The following ATP6V0E2 variants were observed in gnomAD, a reference collection of about 807,000 sequenced individuals.
ATP6V0E2 encodes the protein ATPase H+ transporting V0 subunit e2.
A neutral mutation model predicts 11.5 loss-of-function variants in ATP6V0E2; 4 were observed. That is an observed-to-expected ratio of 0.35 (90% CI 0.17 to 0.80). ATP6V0E2 has a LOEUF of 0.80. Ranked by LOEUF, ATP6V0E2 falls within the 30% of genes least tolerant of loss-of-function variation. The pLI is 0.53. For missense variants in ATP6V0E2, 93 were observed against 113.5 expected, an observed-to-expected ratio of 0.82 and a Z score of 0.82; for synonymous variants, 52 against 51.0, an observed-to-expected ratio of 1.02 and a Z score of -0.09.
At position 149,879,578 on chromosome 7, in the gene ATP6V0E2, A is replaced by G; in HGVS notation, c.*263A>G. On this transcript the variant is annotated 3_prime_UTR_variant, in exon 4 of 4. Transcript: ENST00000425642. Reference sequence around the variant, plus strand: ...TGCTCCAATACCCGCACTGCTCTGGAGTTTGCCCTCTTTCCCAAGGAGATG... The same window carrying G: ...TGCTCCAATACCCGCACTGCTCTGGGGTTTGCCCTCTTTCCCAAGGAGATG... 4 of 1,500,124 alleles carry G rather than the reference A, an allele frequency of 2.7e-6. No homozygotes were observed. The highest frequency in any genetic ancestry group is 1.4e-5 in the South Asian group (1 of 72,118). The allele number at this position is 1,500,124 out of a possible 1,614,324, so 92.9% of individuals were successfully genotyped here. A position where few individuals can be genotyped will look rare whatever the true frequency, so the allele number is the denominator to read the frequency against.
chr7:149,879,541 G>T lies in ATP6V0E2; in HGVS notation c.*226G>T. The T allele has an allele frequency of 3.8e-6, 6 of 1,561,886 alleles. No homozygotes were observed. Among genetic ancestry groups the T allele is most frequent in the Non-Finnish European group, 5.2e-6 (6 of 1,154,592 alleles). On this transcript the variant is annotated 3_prime_UTR_variant, in exon 4 of 4. Transcript: ENST00000425642. Reference sequence around the variant, plus strand: ...GGGAGCCCTGGGCACAGCAGCGGCCGAGGGGATGTCCTGCTCCAATACCCG... The same window carrying T: ...GGGAGCCCTGGGCACAGCAGCGGCCTAGGGGATGTCCTGCTCCAATACCCG...
intron 1 of ATP6V0E2, chr7:149,875,060 A>C (rs1446505453): frequency 6.5e-6 from 1 of 153,832 alleles, no homozygotes; most frequent in African/African-American, 2.4e-5. Flanking sequence ...GTTTGACTGA[A>C]ATTTCTTTTG....
At chr7:149,875,322 G>A (rs1204220772) in intron 1 of ATP6V0E2, among the ~76,000 whole-genome samples, 2 of 152,216 alleles carry the variant, frequency 1.3e-5, no homozygotes, top group Non-Finnish European at 2.9e-5. Context: ...TTAAGATGGA[G>A]CAATATTGGG....
chr7:149,875,766 T>C, intron 2 of ATP6V0E2, 121 bp downstream of exon 2: 1 of 975,916 alleles, frequency 1.0e-6, no homozygotes, highest in South Asian at 1.5e-5. Context: ...AGGCTGAACC[T>C]ATAAAACAAC....
chr7:149,879,392 A>C lies in ATP6V0E2; in HGVS notation c.*77A>C. On this transcript the variant is annotated 3_prime_UTR_variant, in exon 4 of 4. Coordinates refer to ENST00000425642, the MANE Select transcript of ATP6V0E2 (RefSeq NM_145230.4). ...TGTCCCTGACAACCCCTTCGTCCGGACCCTCCCCCACACAACTATGTCTGG... is the reference window on the plus strand; with the variant it reads ...TGTCCCTGACAACCCCTTCGTCCGGCCCCTCCCCCACACAACTATGTCTGG... The C allele has an allele frequency of 6.3e-7, 1 of 1,591,750 alleles. No individual in the cohort carries two copies. The highest frequency in any genetic ancestry group is 2.3e-5 in the East Asian group (1 of 43,372).
At position 149,880,365 on chromosome 7, in the gene ATP6V0E2, C is replaced by T. The variant is rs1183612700; in HGVS notation, c.*1050C>T. The T allele has an allele frequency of 6.6e-6, 1 of 152,526 alleles. No homozygotes were observed. Among genetic ancestry groups the T allele is most frequent in the African/African-American group, 2.4e-5 (1 of 41,466 alleles). The allele number at this position is 152,526 out of a possible 1,614,324, so 9.4% of individuals were successfully genotyped here. On this transcript the variant is annotated 3_prime_UTR_variant, in exon 4 of 4. Coordinates refer to ENST00000425642, the MANE Select transcript of ATP6V0E2 (RefSeq NM_145230.4). ...CCAGTGTGGTTAGCACAGAGCTCAC[C>T]CACCTTGCCTGGCTCCCAGCTGGGG...
intron 3 of ATP6V0E2, 195 bp downstream of exon 3, chr7:149,878,985 GGGTTTGGTTTTGATTTCATT>G: frequency 8.3e-6 from 1 of 120,292 alleles, no homozygotes. Flanking sequence ...TGGCACTTCT[GGGTTTGGTTTTGATTTCATT>G]TGGTTAGAGT....
rs749398620 is a variant in ATP6V0E2 at position 149,879,686 on chromosome 7, C to T, written c.*371C>T. 1.8e-5 allele frequency: 26 copies of T among 1,410,400 alleles called. No individual in the cohort carries two copies. Among genetic ancestry groups the T allele is most frequent in the Non-Finnish European group, 2.2e-5 (24 of 1,076,132 alleles). 87.4% of individuals were successfully genotyped at this position (1,410,400 alleles called of 1,614,324 possible). On this transcript the variant is annotated 3_prime_UTR_variant, in exon 4 of 4. Transcript: ENST00000425642. ...GACTCAGCCCATCCTGAGGAGGACA[C>T]GTGTCCTCATGGAGAGGGTGCTCCG...
At chr7:149,878,600 A>G in intron 2 of ATP6V0E2, 78 bp from the exon 3 acceptor site, 3 of 1,362,690 alleles carry the variant, frequency 2.2e-6, no homozygotes, top group Non-Finnish European at 3.0e-6. Flanking sequence ...CGCATCCAAA[A>G]TAATATGACC....
At chr7:149,876,110 G>A in intron 2 of ATP6V0E2, 1 of 456,676 alleles carries the variant, frequency 2.2e-6, no homozygotes, top group African/African-American at 2.0e-5. Context: ...AGACGTGGCG[G>A]CTCACGCCTG....
Position 149,879,396 on chromosome 7 carries a change from TC to T in ATP6V0E2, c.*86del. 1 of 1,597,684 alleles carries T rather than the reference TC, an allele frequency of 6.3e-7. No homozygotes were observed. Among genetic ancestry groups the T allele is most frequent in the Non-Finnish European group, 8.5e-7 (1 of 1,172,246 alleles). On this transcript the variant is annotated 3_prime_UTR_variant, in exon 4 of 4. Transcript: ENST00000425642. Reference sequence around the variant, plus strand: ...CCTGACAACCCCTTCGTCCGGACCCTCCCCCACACAACTATGTCTGGTCACC... The same window carrying T: ...CCTGACAACCCCTTCGTCCGGACCCTCCCCACACAACTATGTCTGGTCACC...
upstream of ATP6V0E2, chr7:149,873,732 T>C (rs1802956397): frequency 2.6e-6 from 2 of 767,104 alleles, no homozygotes; most frequent in Non-Finnish European, 1.9e-6. Flanking sequence ...TCTTTGGAAA[T>C]AAGAATGCGG....
intron 2 of ATP6V0E2, among the ~76,000 whole-genome samples, chr7:149,876,690 T>G (rs976480262): frequency 5.3e-5 from 8 of 152,246 alleles, no homozygotes; most frequent in African/African-American, 1.9e-4. Context: ...TTCTAGTTTG[T>G]TGGGAGGCCT....
Position 149,879,546 on chromosome 7 carries a change from G to T in ATP6V0E2, c.*231G>T, listed in dbSNP as rs557187139. On this transcript the variant is annotated 3_prime_UTR_variant, in exon 4 of 4. Transcript: ENST00000425642. ...CCCTGGGCACAGCAGCGGCCGAGGG[G>T]ATGTCCTGCTCCAATACCCGCACTG... is the stretch of plus-strand genomic sequence containing the variant. 86 of 1,558,484 alleles carry T rather than the reference G, an allele frequency of 5.5e-5. 1 individual carries two copies. In the South Asian group the frequency reaches 9.2e-4, roughly 17 times the overall value.
chr7:149,875,302 C>CA (rs1803066675), intron 1 of ATP6V0E2, among the ~76,000 whole-genome samples: 1 of 152,216 alleles, frequency 6.6e-6, no homozygotes, highest in Non-Finnish European at 1.5e-5. Context: ...CTTTCCACAA[C>CA]ACGTCTGCAT....
chr7:149,879,446 A>C lies in ATP6V0E2; in HGVS notation c.*131A>C, dbSNP rs1252950941. On this transcript the variant is annotated 3_prime_UTR_variant, in exon 4 of 4. Coordinates refer to ENST00000425642, the MANE Select transcript of ATP6V0E2 (RefSeq NM_145230.4). ...CCAGCTCCCTCCTGCTGGCACCCAG[A>C]GACCCGGACCCGCAGGGCCTGCCTG... 3 of 1,601,546 alleles carry C rather than the reference A, an allele frequency of 1.9e-6. No individual in the cohort carries two copies. Among genetic ancestry groups the C allele is most frequent in the Non-Finnish European group, 2.6e-6 (3 of 1,174,710 alleles).
chr7:149,875,895 C>T, intron 2 of ATP6V0E2: 3 of 676,240 alleles, frequency 4.4e-6, no homozygotes, highest in Middle Eastern at 2.4e-4. Context: ...GTTTTCTCAC[C>T]TGGGCAAGGA....
chr7:149,879,519 A>C lies in ATP6V0E2; in HGVS notation c.*204A>C, dbSNP rs1803341201. On this transcript the variant is annotated 3_prime_UTR_variant, in exon 4 of 4. Coordinates refer to ENST00000425642, the MANE Select transcript of ATP6V0E2 (RefSeq NM_145230.4). ...TTCCCAGCCAGCCCGGGCCCTGGGG[A>C]GCCCTGGGCACAGCAGCGGCCGAGG... 1 of 1,581,414 alleles carries C rather than the reference A, an allele frequency of 6.3e-7. No individual in the cohort carries two copies. Among genetic ancestry groups the C allele is most frequent in the African/African-American group, 1.4e-5 (1 of 73,934 alleles).
intron 1 of ATP6V0E2, chr7:149,875,001 C>T (rs566691936): frequency 7.6e-4 from 117 of 153,706 alleles, no homozygotes; most frequent in Non-Finnish European, 1.5e-3. Flanking sequence ...CTTTGTAAAC[C>T]ATTTTCGTGT....
Sources: allele counts gnomAD v4.1 joint callset (sites outside exome capture counted in the v4.1 genomes callset), GRCh38; gene constraint gnomAD v4.1.1; transcripts MANE v1.5; gene names NCBI Gene and HGNC (gene_info 2026-07-23, HGNC 2026-07-21).